The following ANKFN1 variants were observed in gnomAD, a reference collection of about 807,000 sequenced individuals.
ANKFN1 encodes the protein ankyrin repeat and fibronectin type III domain containing 1.
A neutral mutation model predicts 108.7 loss-of-function variants in ANKFN1; 74 were observed. The ratio of observed to expected loss-of-function variants is 0.68; its 90% CI spans 0.56 to 0.83. The LOEUF (loss-of-function observed/expected upper bound fraction) is 0.83. Among genes scored for constraint, ANKFN1 ranks in the 40% least tolerant of loss-of-function variants. The pLI, the probability that ANKFN1 is intolerant of heterozygous loss-of-function variation, is 0.00. For missense variants in ANKFN1, 1,505 were observed against 1,382.3 expected (o/e 1.09, Z -1.41); for synonymous variants, 547 against 516.2 (o/e 1.06, Z -0.81).
chr17:56,382,753 G>A (rs1330219244), intron 8 of ANKFN1, among the ~76,000 whole-genome samples: 1 of 152,182 alleles, frequency 6.6e-6, no homozygotes, highest in Non-Finnish European at 1.5e-5. Flanking sequence ...TAATGGTAAA[G>A]GGATCAACTC....
chr17:56,336,081 G>A (rs1406031973), intron 4 of ANKFN1, among the ~76,000 whole-genome samples: 1 of 152,196 alleles, frequency 6.6e-6, no homozygotes, highest in African/African-American at 2.4e-5. Context: ...GATCTTGATG[G>A]ATAAGCTTTT....
chr17:56,400,727 G>C (rs1024449422), intron 8 of ANKFN1, among the ~76,000 whole-genome samples: 76 of 152,128 alleles, frequency 5.0e-4, no homozygotes, highest in African/African-American at 1.8e-3. Context: ...TAGGTCTTAG[G>C]TTTAAGTCCT....
intron 3 of ANKFN1, among the ~76,000 whole-genome samples, chr17:56,275,100 A>G (rs2043891535): frequency 1.3e-5 from 2 of 151,796 alleles, no homozygotes; most frequent in South Asian, 4.2e-4. Flanking sequence ...CATCATCACC[A>G]CCCCTTCATG....
Position 56,283,524 on chromosome 17 carries a change from G to GATATAT in ANKFN1, c.54-42688_54-42683dup, listed in dbSNP as rs567333825. Among the ~76,000 whole-genome samples, 293 of 141,604 alleles carry GATATAT rather than the reference G, an allele frequency of 2.1e-3. 34 individuals are homozygous for GATATAT. The highest frequency in any genetic ancestry group is 8.5e-3 in the African/African-American group (284 of 33,384). 92.9% of individuals were successfully genotyped at this position (141,604 alleles called of 152,430 possible). ...ATCAACAAATGGATAAAGAAACTGT[G>GATATAT]ATATATATATATATGATGGAATACT... On this transcript the variant is annotated intron_variant, in intron 3 of 20. Coordinates refer to ENST00000682825, the MANE Select transcript of ANKFN1 (RefSeq NM_001370326.1).
chr17:56,170,340 G>A (rs560340529), intron 1 of ANKFN1, among the ~76,000 whole-genome samples: 47 of 152,272 alleles, frequency 3.1e-4, no homozygotes, highest in African/African-American at 8.4e-4. Context: ...ACGGGAGTAC[G>A]TATAAGAGCT....
At chr17:56,459,748 G>T (rs1598646963) in intron 14 of ANKFN1, among the ~76,000 whole-genome samples, 1 of 152,108 alleles carries the variant, frequency 6.6e-6, no homozygotes, top group Non-Finnish European at 1.5e-5. Flanking sequence ...ATGTGAGAAG[G>T]ATCAGGCTGT....
At position 56,262,263 on chromosome 17, in the gene ANKFN1, G is replaced by A. The variant is rs546616175; in HGVS notation, c.53+34306G>A. 3.0e-4 allele frequency among the ~76,000 whole-genome samples: 46 copies of A among 152,212 alleles called. No individual in the cohort carries two copies. The South Asian group carries it at 9.1e-3, about 30-fold the overall frequency. On this transcript the variant is annotated intron_variant, in intron 3 of 20. Coordinates refer to ENST00000682825, the MANE Select transcript of ANKFN1 (RefSeq NM_001370326.1). Reference sequence around the variant, plus strand: ...TCACCAGCCTCTTCCTTCCATCTGGGGCATCCTGCTCCTCATTTGGAGTCT... The same window carrying A: ...TCACCAGCCTCTTCCTTCCATCTGGAGCATCCTGCTCCTCATTTGGAGTCT...
At chr17:56,291,805 C>T (rs184540433) in intron 3 of ANKFN1, among the ~76,000 whole-genome samples, 154 of 152,278 alleles carry the variant, frequency 1.0e-3, no homozygotes, top group African/African-American at 3.5e-3. Context: ...GTAGCCTATT[C>T]GCTTATTTCT....
At chr17:56,509,562 G>A (rs2051675829) in intron 20 of ANKFN1, among the ~76,000 whole-genome samples, 1 of 152,158 alleles carries the variant, frequency 6.6e-6, no homozygotes, top group Non-Finnish European at 1.5e-5. Context: ...AGGGGAAGCT[G>A]AAAAAAGGCG....
intron 8 of ANKFN1, among the ~76,000 whole-genome samples, chr17:56,425,284 G>A (rs2048527090): frequency 6.6e-6 from 1 of 152,100 alleles, no homozygotes; most frequent in Admixed American, 6.5e-5. Flanking sequence ...AGGAAGTCAG[G>A]AAATTTCCTC....
chr17:56,163,462 C>G (rs1909868470), intron 1 of ANKFN1, among the ~76,000 whole-genome samples: 1 of 152,228 alleles, frequency 6.6e-6, no homozygotes, highest in Admixed American at 6.5e-5. Context: ...CTTCCTAAAA[C>G]TTCCAGCTCC....
At chr17:56,442,025 T>C (rs912444938) in intron 9 of ANKFN1, among the ~76,000 whole-genome samples, 14 of 151,976 alleles carry the variant, frequency 9.2e-5, no homozygotes, top group African/African-American at 3.4e-4. Context: ...ATGTAAAATA[T>C]AAAAATTCAA....
chr17:56,402,293 G>T (rs576907769), intron 8 of ANKFN1, among the ~76,000 whole-genome samples: 46 of 152,224 alleles, frequency 3.0e-4, no homozygotes, highest in Middle Eastern at 3.4e-3. Context: ...ATGTCTGGTA[G>T]AATTCTGCTG....
intron 2 of ANKFN1, among the ~76,000 whole-genome samples, chr17:56,226,529 T>C (rs1035154375): frequency 2.0e-5 from 3 of 152,106 alleles, no homozygotes; most frequent in Non-Finnish European, 4.4e-5. Context: ...GAATGAAAAT[T>C]GGAGAAAAGC....
chr17:56,368,232 G>A (rs1369778526), intron 6 of ANKFN1: 1 of 950,100 alleles, frequency 1.1e-6, no homozygotes, highest in African/African-American at 1.8e-5. Flanking sequence ...TTATCAAGAG[G>A]TATAAAACAC....
At chr17:56,490,426 A>G (rs2050998032) in intron 18 of ANKFN1, among the ~76,000 whole-genome samples, 1 of 152,054 alleles carries the variant, frequency 6.6e-6, no homozygotes, top group South Asian at 2.1e-4. Flanking sequence ...GTATAAAAGG[A>G]CTCATAATAA....
intron 4 of ANKFN1, among the ~76,000 whole-genome samples, chr17:56,056,764 C>T: frequency 6.6e-6 from 1 of 152,124 alleles, no homozygotes; most frequent in East Asian, 1.9e-4. Context: ...TTTGCCTAGG[C>T]AAAGAATTTA....
At chr17:56,265,507 C>A (rs1477871793) in intron 3 of ANKFN1, among the ~76,000 whole-genome samples, 1 of 152,090 alleles carries the variant, frequency 6.6e-6, no homozygotes, top group African/African-American at 2.4e-5. Flanking sequence ...GACACAGAGC[C>A]AAACCATATC....
intron 1 of ANKFN1, among the ~76,000 whole-genome samples, chr17:56,169,318 CTAG>C (rs1340266906): frequency 3.3e-5 from 5 of 152,092 alleles, no homozygotes; most frequent in African/African-American, 9.6e-5. Context: ...GTTGCCCAGG[CTAG>C]GGTGCAGTGG....
Sources: gnomAD v4.1 joint callset for allele counts (sites outside exome capture counted in the v4.1 genomes callset) on GRCh38, gnomAD v4.1.1 for gene constraint, MANE v1.5 for transcripts, NCBI Gene and HGNC (gene_info 2026-07-23, HGNC 2026-07-21) for gene names.